The following IPO7 variants were observed in gnomAD, a reference collection of about 807,000 sequenced individuals.
IPO7 encodes importin-7.
Under a neutral mutation model 136.4 loss-of-function variants are expected in IPO7, and 13 were observed. That is an observed-to-expected ratio of 0.10 (90% CI 0.06 to 0.15). The LOEUF (loss-of-function observed/expected upper bound fraction) is 0.15, where lower values mean the gene tolerates loss of function less well. Ranked by LOEUF, IPO7 falls within the 10% of genes least tolerant of loss-of-function variation. IPO7 has a pLI of 1.00. For missense variants in IPO7, 857 were observed against 1,240.6 expected, an observed-to-expected ratio of 0.69 and a Z score of 4.65; for synonymous variants, 403 against 404.4, an observed-to-expected ratio of 1.00 and a Z score of 0.04.
At chr11:9,385,583 C>T (rs767200546) in intron 1 of IPO7, among the ~76,000 whole-genome samples, 1 of 152,196 alleles carries the variant, frequency 6.6e-6, no homozygotes, top group Non-Finnish European at 1.5e-5. Flanking sequence ...GGGCCAGTCG[C>T]TTAACCTCTT....
intron 22 of IPO7, among the ~76,000 whole-genome samples, chr11:9,439,270 C>A (rs1855427469): frequency 6.6e-6 from 1 of 152,102 alleles, no homozygotes; most frequent in African/African-American, 2.4e-5. Flanking sequence ...CACGTGCCAC[C>A]ATGCCCAGCT....
chr11:9,398,555 C>T (rs1261044905), intron 1 of IPO7, among the ~76,000 whole-genome samples: 1 of 152,098 alleles, frequency 6.6e-6, no homozygotes, highest in East Asian at 1.9e-4. Context: ...TGTACAAAGA[C>T]TCTGAAATGA....
intron 18 of IPO7, 45 bp downstream of exon 18, chr11:9,433,891 G>A: frequency 6.7e-7 from 1 of 1,482,448 alleles, no homozygotes; most frequent in Non-Finnish European, 9.2e-7. Flanking sequence ...TCCCTGCTTT[G>A]ATTTATTTGT....
chr11:9,410,749 T>TG lies in IPO7; in HGVS notation c.479+664dup, dbSNP rs1854957326. 2.0e-5 allele frequency among the ~76,000 whole-genome samples: 3 copies of TG among 152,306 alleles called. No individual in the cohort carries two copies. In the South Asian group the frequency reaches 6.2e-4, roughly 32 times the overall value. ...GCACTGAGAGTGGTAAGCCACATGT[T>TG]GAAGGAGTTTTTTAAGTCTATAGTT... is the stretch of plus-strand genomic sequence containing the variant. On this transcript the variant is annotated intron_variant, in intron 4 of 24. Transcript: ENST00000379719.
intron 24 of IPO7, among the ~76,000 whole-genome samples, 165 bp from the exon 25 acceptor site, chr11:9,444,932 A>C (rs1379771775): frequency 6.6e-6 from 1 of 152,054 alleles, no homozygotes. Flanking sequence ...TATATTCTCT[A>C]CATAATGCAT....
intron 1 of IPO7, among the ~76,000 whole-genome samples, chr11:9,400,352 C>T (rs1854774921): frequency 6.6e-6 from 1 of 152,118 alleles, no homozygotes; most frequent in Admixed American, 6.6e-5. Flanking sequence ...GGTCATAGAG[C>T]CCGGTTGTCA....
At chr11:9,397,365 T>TATATA (rs1564992067) in intron 1 of IPO7, among the ~76,000 whole-genome samples, 8 of 94,754 alleles carry the variant, frequency 8.4e-5, no homozygotes, top group South Asian at 3.9e-4. Flanking sequence ...TATATATATA[T>TATATA]TAGTCGGGCA....
intron 5 of IPO7, among the ~76,000 whole-genome samples, chr11:9,415,002 A>C (rs969311551): frequency 2.0e-5 from 3 of 151,998 alleles, no homozygotes; most frequent in Non-Finnish European, 4.4e-5. Context: ...GTCAATTTAG[A>C]AAGTATCTTT....
intron 1 of IPO7, among the ~76,000 whole-genome samples, chr11:9,397,341 A>AAAAAAAAAAAAAAAAAAAATATAT: frequency 6.5e-4 from 7 of 10,758 alleles, no homozygotes; most frequent in Admixed American, 2.1e-3. Context: ...TTTAAAAAAA[A>AAAAAAAAAAAAAAAAAAAATATAT]ATATATATAT....
intron 3 of IPO7, 69 bp downstream of exon 3, chr11:9,408,708 T>G (rs1053209690): frequency 2.7e-5 from 22 of 804,958 alleles, no homozygotes; most frequent in Middle Eastern, 4.1e-4. Context: ...TTTTTGGTTT[T>G]TTTTTTTTTT....
At chr11:9,403,403 A>T in intron 2 of IPO7, 32 bp downstream of exon 2, 1 of 1,483,422 alleles carries the variant, frequency 6.7e-7, no homozygotes, top group Non-Finnish European at 9.4e-7. Flanking sequence ...GAGTGTATGT[A>T]ATCTATTGTT....
At position 9,414,281 on chromosome 11, in the gene IPO7, C is replaced by T; in HGVS notation, c.506C>T (p.Pro169Leu). The T allele has an allele frequency of 6.2e-7, 1 of 1,611,972 alleles. No homozygotes were observed. Among genetic ancestry groups the T allele is most frequent in the Non-Finnish European group, 8.5e-7 (1 of 1,179,436 alleles). Residue 169 changes from proline (P) to leucine (L), a missense_variant, in exon 5 of 25, where the codon CCA becomes CTA. Physicochemically the swap from Pro to Leu is moderately conservative, Grantham distance 98. Around this residue, in one of 11 missense-constraint regions of IPO7, gnomAD observed 287 missense variants for 307.5 expected, o/e 0.93. Coordinates refer to ENST00000379719, the MANE Select transcript of IPO7 (RefSeq NM_006391.3). ...YEYKKPEERS[P>L]LVAAMQHFLP... ...TATAAAAAACCAGAGGAGCGGAGTC[C>T]ATTGGTAGCAGCAATGCAGCATTTT...
chr11:9,432,201 C>CTTTT (rs557417149), intron 16 of IPO7, among the ~76,000 whole-genome samples: 53 of 134,846 alleles, frequency 3.9e-4, no homozygotes, highest in African/African-American at 1.4e-3. Context: ...TTTCACTAAA[C>CTTTT]TTTTTTTTTT....
At chr11:9,433,922 ACT>A in intron 18 of IPO7, 76 bp downstream of exon 18, 2 of 1,213,658 alleles carry the variant, frequency 1.6e-6, no homozygotes, top group Non-Finnish European at 2.2e-6. Context: ...TTGAACATAC[ACT>A]TTTTTTTTTT....
intron 4 of IPO7, among the ~76,000 whole-genome samples, chr11:9,413,418 G>C (rs1032815338): frequency 6.6e-6 from 1 of 151,916 alleles, no homozygotes; most frequent in African/African-American, 2.4e-5. Context: ...ACTTAAGGAT[G>C]GTAATAATAA....
chr11:9,418,794 G>C (rs1022444612), intron 6 of IPO7, among the ~76,000 whole-genome samples: 1 of 152,090 alleles, frequency 6.6e-6, no homozygotes, highest in East Asian at 1.9e-4. Context: ...CAGAATGTTT[G>C]CTCATGGCTG....
At chr11:9,438,015 G>A in intron 21 of IPO7, 41 bp downstream of exon 21, 2 of 1,556,026 alleles carry the variant, frequency 1.3e-6, no homozygotes, top group Middle Eastern at 1.8e-4. Context: ...TGCTTTGGGA[G>A]GAACTCTGCT....
At chr11:9,427,214 T>G (rs545829327) in intron 12 of IPO7, among the ~76,000 whole-genome samples, 15 of 152,314 alleles carry the variant, frequency 9.8e-5, no homozygotes, top group Admixed American at 9.2e-4. Context: ...CTTTACATTC[T>G]AAAGCCAGGC....
rs187871611 is a variant in IPO7, at chr11:9,423,280, A to T, written c.1041+140A>T. The stretch of plus-strand genomic sequence containing the variant: ...GTGATTGTTTTGAGAGTATAGCAGA[A>T]AAAGGAGATAAGACAGTGACATAAA... On this transcript the variant is annotated intron_variant, in intron 9 of 24. Transcript: ENST00000379719. The T allele has an allele frequency of 1.1e-5, 6 of 522,428 alleles. No homozygotes were observed. The East Asian group carries it at 1.4e-4, about 13-fold the overall frequency. The allele number at this position is 522,428 out of a possible 1,614,324, so 32.4% of individuals were successfully genotyped here. A position where few individuals can be genotyped will look rare whatever the true frequency, so the allele number is the denominator to read the frequency against.
Sources: gnomAD v4.1 joint callset for allele counts (sites outside exome capture counted in the v4.1 genomes callset) on GRCh38, gnomAD v4.1.1 for gene constraint, gnomAD v4.1.1 regional missense constraint, MANE v1.5 for transcripts, NCBI Gene and HGNC (gene_info 2026-07-23, HGNC 2026-07-21) for gene names.